The following TBX3 variants were observed in gnomAD, a reference collection of about 807,000 sequenced individuals.
TBX3 encodes the protein T-box transcription factor 3.
TBX3 carries 11 observed loss-of-function variants against 47.8 expected under a neutral mutation model. The ratio of observed to expected loss-of-function variants is 0.23; its 90% CI spans 0.14 to 0.38. The LOEUF is 0.38. TBX3 is among the 10% of genes least tolerant of loss of function. TBX3 has a pLI of 1.00. For synonymous variants in TBX3, 500 were observed against 449.3 expected (o/e 1.11, Z -1.43); for missense variants, 927 against 1,022.8 (o/e 0.91, Z 1.28).
In TBX3 at chr12:114,680,939, G is replaced by C; in HGVS notation, c.597C>G (p.Ser199=). The part of the protein sequence containing the change: ...DSPATGEQWM[S]KVVTFHKLKL... ...TCAGTTTGTGGAAAGTGACGACTTT[G>C]GACATCCACTGTTCCCCAGTAGCGG... The change falls in exon 2 of 7, where the codon TCC becomes TCG. Residue 199 remains serine (S), a synonymous_variant. Coordinates refer to ENST00000349155, the MANE Select transcript of TBX3 (RefSeq NM_005996.4). 6.2e-7 allele frequency: 1 copy of C among 1,614,062 alleles called. No homozygotes were observed. The highest frequency in any genetic ancestry group is 8.5e-7 in the Non-Finnish European group (1 of 1,180,028).
At chr12:114,676,117 C>T (rs1868695954) in intron 5 of TBX3, among the ~76,000 whole-genome samples, 196 bp downstream of exon 5, 1 of 152,224 alleles carries the variant, frequency 6.6e-6, no homozygotes, top group Admixed American at 6.5e-5. Flanking sequence ...GGCCTCTGTG[C>T]TCTCCTTCTA....
chr12:114,675,922 A>G (rs969958718), intron 5 of TBX3, among the ~76,000 whole-genome samples: 1 of 152,124 alleles, frequency 6.6e-6, no homozygotes, highest in Non-Finnish European at 1.5e-5. Context: ...CTAGAGTTCA[A>G]AGACAGTGAA....
At chr12:114,677,693 T>C in intron 3 of TBX3, 37 bp from the exon 4 acceptor site, 1 of 1,597,924 alleles carries the variant, frequency 6.3e-7, no homozygotes, top group Non-Finnish European at 8.6e-7. Flanking sequence ...GAGACATTGT[T>C]CTCATTTTCT....
In TBX3 at chr12:114,671,921, T is replaced by C. The variant is rs1022909215; in HGVS notation, c.2092A>G (p.Thr698Ala). 6.3e-7 allele frequency: 1 copy of C among 1,586,878 alleles called. No homozygotes were observed. Among genetic ancestry groups the C allele is most frequent in the Non-Finnish European group, 8.6e-7 (1 of 1,166,776 alleles). Reference sequence around the variant, plus strand: ...CGCTGGATGCTCTGCAGTTCGCTGGTGGCCGCCTCTTTCTCCGCGCAGAGT... The same window carrying C: ...CGCTGGATGCTCTGCAGTTCGCTGGCGGCCGCCTCTTTCTCCGCGCAGAGT... ...PKLCAEKEAA[T>A]SELQSIQRLV... is the part of the protein sequence containing the mutation. The change falls in exon 7 of 7, where the codon ACC becomes GCC. Residue 698 changes from threonine (T) to alanine (A), a missense_variant. Physicochemically the swap from Thr to Ala is moderately conservative, Grantham distance 58. Coordinates refer to ENST00000349155, the MANE Select transcript of TBX3 (RefSeq NM_005996.4).
intron 3 of TBX3, among the ~76,000 whole-genome samples, 188 bp downstream of exon 3, chr12:114,679,317 C>G (rs189355647): frequency 6.6e-6 from 1 of 152,214 alleles, no homozygotes; most frequent in Admixed American, 6.5e-5. Context: ...ATTGTTCCTA[C>G]CTAGTCAAGG....
rs749179137 is a variant in TBX3 at position 114,676,452 on chromosome 12, C to T, written c.900G>A (p.Gln300=). The T allele has an allele frequency of 1.2e-6, 2 of 1,614,144 alleles. No individual in the cohort carries two copies. The highest frequency in any genetic ancestry group is 1.7e-6 in the Non-Finnish European group (2 of 1,180,064). The change falls in exon 5 of 7, where the codon CAG becomes CAA. Residue 300 remains glutamine (Q), a synonymous_variant. Coordinates refer to ENST00000349155, the MANE Select transcript of TBX3 (RefSeq NM_005996.4). ...RREKRKQLTL[Q]SMRVFDERHK... ...GTCTTTCATCAAACACCCTCATGGA[C>T]TGCAGGGTGAGCTGTTTTCTGTGGC...
At position 114,683,080 on chromosome 12, in the gene TBX3, A is replaced by G. The variant is rs773465438; in HGVS notation, c.121T>C (p.Phe41Leu). The change falls in exon 1 of 7, where the codon TTC becomes CTC. Residue 41 changes from phenylalanine (F) to leucine (L), a missense_variant. By Grantham distance (22) the Phe-to-Leu change is conservative. This residue lies in a region of TBX3 where 216 missense variants were observed against 281.2 expected (regional missense o/e 0.77). Coordinates refer to ENST00000349155, the MANE Select transcript of TBX3 (RefSeq NM_005996.4). The surrounding 1 kb of genome is among the most constrained non-coding windows in gnomAD (Gnocchi z 7.7). ...SAVLGHQPPF[F>L]PALTLPPNGA... ...TTGGGAGGCAGCGTCAGCGCGGGGA[A>G]GAACGGCGGCTGGTGACCCAGCACC... The G allele has an allele frequency of 3.1e-6, 5 of 1,610,786 alleles. No homozygotes were observed. The highest frequency in any genetic ancestry group is 4.2e-6 in the Non-Finnish European group (5 of 1,178,230).
intron 6 of TBX3, among the ~76,000 whole-genome samples, chr12:114,673,410 C>T (rs1868538432): frequency 6.6e-6 from 1 of 152,234 alleles, no homozygotes; most frequent in African/African-American, 2.4e-5. Context: ...GTCTGAGCCA[C>T]ACACAGGCCT....
intron 6 of TBX3, 115 bp from the exon 7 acceptor site, chr12:114,672,417 C>T: frequency 5.4e-6 from 4 of 744,726 alleles, no homozygotes; most frequent in African/African-American, 2.2e-5. Context: ...CTGGTATGTT[C>T]TGTTGTTGTT....
chr12:114,680,961 G>A lies in TBX3; in HGVS notation c.575C>T (p.Ala192Val). The A allele has an allele frequency of 6.2e-7, 1 of 1,614,150 alleles. No individual in the cohort carries two copies. ...KRMYIHPDSP[A>V]TGEQWMSKVV... ...TTTGGACATCCACTGTTCCCCAGTA[G>A]CGGGGCTGTCCGGGTGAATGTACAT... The change falls in exon 2 of 7, where the codon GCT (alanine) becomes GTT (valine). Residue 192 changes from alanine to valine, a missense_variant. By Grantham distance (64) the Ala-to-Val change is moderately conservative. Around this residue, in one of 5 missense-constraint regions of TBX3, gnomAD observed 216 missense variants for 281.2 expected, o/e 0.77. Transcript: ENST00000349155.
Position 114,683,520 on chromosome 12 carries a change from G to A in TBX3, c.-320C>T, listed in dbSNP as rs1869043638. The stretch of plus-strand genomic sequence containing the variant: ...TCCTGAACGTCGGTTTCAGAAGCGA[G>A]AGGAGCGAGCAGGGTCTCGACTCGC... On this transcript the variant is annotated 5_prime_UTR_variant, in exon 1 of 7. Transcript: ENST00000349155. This position sits in a 1 kb window ranked among gnomAD's most constrained non-coding sequence, Gnocchi z 7.7. 4 of 382,062 alleles carry A rather than the reference G, an allele frequency of 1.0e-5. No individual in the cohort carries two copies. Among genetic ancestry groups the A allele is most frequent in the Non-Finnish European group, 1.9e-5 (4 of 211,626 alleles). The allele number at this position is 382,062 out of a possible 1,614,324, so 23.7% of individuals were successfully genotyped here.
chr12:114,675,633 A>AGT (rs3068612), intron 5 of TBX3, among the ~76,000 whole-genome samples: 5,002 of 149,974 alleles, frequency 0.033, 87 homozygotes, highest in Middle Eastern at 0.051. Context: ...TCCCGTTGAG[A>AGT]GTGTGTGTGT....
chr12:114,678,135 AT>A (rs942782511), intron 3 of TBX3, among the ~76,000 whole-genome samples: 42 of 148,496 alleles, frequency 2.8e-4, no homozygotes, highest in East Asian at 1.2e-3. Context: ...AGTGAGTTTA[AT>A]TTTTTTTTTC....
At chr12:114,676,556 A>G in intron 4 of TBX3, 86 bp from the exon 5 acceptor site, 1 of 1,542,932 alleles carries the variant, frequency 6.5e-7, no homozygotes, top group Non-Finnish European at 8.9e-7. Flanking sequence ...AGCGGCACAC[A>G]CATACCTCAC....
rs1367860375 is a variant in TBX3, at chr12:114,672,059, C to T, written c.1954G>A (p.Gly652Ser). Residue 652 changes from glycine to serine, a missense_variant, in exon 7 of 7, where the codon GGC (glycine) becomes AGC (serine). Physicochemically the swap from Gly to Ser is moderately conservative, Grantham distance 56. Transcript: ENST00000349155. ...CTGGCGGCCAGGGCGGCGACTTTGC[C>T]GTCCAGGGGCCCCGCGGCCGCCGCC... Reference protein sequence around the residue: ...SMAAAAGPLDGKVAALAASPA... With the variant: ...SMAAAAGPLDSKVAALAASPA... 1.9e-6 allele frequency: 3 copies of T among 1,571,650 alleles called. No homozygotes were observed. The highest frequency in any genetic ancestry group is 1.2e-5 in the South Asian group (1 of 85,910).
At chr12:114,681,561 A>G (rs1184023949) in intron 1 of TBX3, among the ~76,000 whole-genome samples, 1 of 152,162 alleles carries the variant, frequency 6.6e-6, no homozygotes, top group Admixed American at 6.5e-5. Flanking sequence ...TTAAGACTAG[A>G]ATTTTCCACC....
chr12:114,674,676 T>G lies in TBX3; in HGVS notation c.1199A>C (p.Glu400Ala). ...CAGCCGCCCGCTGTCCCGGGGCCGCTCAGCAGCGAAAAGGTGAGCCTTGAC... is the reference window on the plus strand; with the variant it reads ...CAGCCGCCCGCTGTCCCGGGGCCGCGCAGCAGCGAAAAGGTGAGCCTTGAC... ...PAVKAHLFAA[E>A]RPRDSGRLDK... The change falls in exon 6 of 7, where the codon GAG becomes GCG. Residue 400 changes from glutamate to alanine, a missense_variant. Transcript: ENST00000349155. The G allele has an allele frequency of 6.2e-7, 1 of 1,607,610 alleles. No individual in the cohort carries two copies. The highest frequency in any genetic ancestry group is 1.1e-5 in the South Asian group (1 of 90,734).
chr12:114,672,199 C>A lies in TBX3; in HGVS notation c.1814G>T (p.Arg605Leu), dbSNP rs1201751425. ...SSAAASSSVHRHPFLNLNTMR... is the reference protein window; with the variant it reads ...SSAAASSSVHLHPFLNLNTMR... ...GGTGTTCAGATTGAGGAAGGGGTGG[C>A]GGTGCACCGAGCTGGAGGCTGCCGC... The change falls in exon 7 of 7, where the codon CGC becomes CTC. Residue 605 changes from arginine to leucine, a missense_variant. Around this residue, in one of 5 missense-constraint regions of TBX3, gnomAD observed 623 missense variants for 569.0 expected, o/e 1.09. Transcript: ENST00000349155. 1.3e-6 allele frequency: 2 copies of A among 1,570,610 alleles called. No homozygotes were observed. Among genetic ancestry groups the A allele is most frequent in the East Asian group, 2.3e-5 (1 of 42,710 alleles).
Position 114,670,877 on chromosome 12 carries a change from T to C in TBX3, c.*964A>G, listed in dbSNP as rs1220966737. Reference sequence around the variant, plus strand: ...ATGTCAATAAATTAAAGTTTAATTTTCCAAGCATTCATATTCCACCTATTT... The same window carrying C: ...ATGTCAATAAATTAAAGTTTAATTTCCCAAGCATTCATATTCCACCTATTT... On this transcript the variant is annotated 3_prime_UTR_variant, in exon 7 of 7. Transcript: ENST00000349155. The C allele has an allele frequency of 4.6e-6, 1 of 215,374 alleles. No individual in the cohort carries two copies. Among genetic ancestry groups the C allele is most frequent in the Non-Finnish European group, 9.4e-6 (1 of 106,776 alleles). The allele number at this position is 215,374 out of a possible 1,614,324, so 13.3% of individuals were successfully genotyped here.
Sources: allele counts gnomAD v4.1 joint callset (sites outside exome capture counted in the v4.1 genomes callset), GRCh38; gene constraint gnomAD v4.1.1; regional missense constraint gnomAD v4.1.1; non-coding constraint Gnocchi (gnomAD v3.1); transcripts MANE v1.5; gene names NCBI Gene and HGNC (gene_info 2026-07-23, HGNC 2026-07-21).